KCNIP4: variants seen among roughly 807,000 people sequenced by gnomAD.
KCNIP4 encodes potassium voltage-gated channel interacting protein 4.
A neutral mutation model predicts 34.0 loss-of-function variants in KCNIP4; 12 were observed. That is an observed-to-expected ratio of 0.35 (90% CI 0.23 to 0.57). The LOEUF (loss-of-function observed/expected upper bound fraction) is 0.57. Among genes scored for constraint, KCNIP4 ranks in the 20% least tolerant of loss-of-function variants. KCNIP4 has a pLI of 0.83. For missense variants in KCNIP4, 238 were observed against 311.7 expected (o/e 0.76, Z 1.78); for synonymous variants, 124 against 102.2 (o/e 1.21, Z -1.29).
chr4:20,785,367 C>G (rs1184911205), intron 3 of KCNIP4, among the ~76,000 whole-genome samples: 2 of 141,842 alleles, frequency 1.4e-5, no homozygotes, highest in Non-Finnish European at 3.0e-5. Flanking sequence ...TCTTTGACTA[C>G]TGCTGCCAAC....
chr4:20,885,005 G>A (rs1416556845), intron 1 of KCNIP4, among the ~76,000 whole-genome samples: 3 of 152,116 alleles, frequency 2.0e-5, no homozygotes, highest in East Asian at 1.9e-4. Flanking sequence ...CCAGCCCCAT[G>A]AGGCTTTTAA....
intron 1 of KCNIP4, among the ~76,000 whole-genome samples, chr4:21,006,112 G>A (rs112542819): frequency 9.2e-5 from 14 of 152,296 alleles, no homozygotes; most frequent in African/African-American, 2.6e-4. Flanking sequence ...TTGAACTCAC[G>A]TCTATCTAAC....
intron 1 of KCNIP4, among the ~76,000 whole-genome samples, chr4:21,679,581 G>A (rs1009595226): frequency 1.3e-5 from 2 of 152,224 alleles, no homozygotes; most frequent in South Asian, 2.1e-4. Context: ...AACACTCTGT[G>A]CTCTTTCTCT....
chr4:21,835,394 A>G (rs542969811), intron 1 of KCNIP4, among the ~76,000 whole-genome samples: 1 of 152,276 alleles, frequency 6.6e-6, no homozygotes, highest in African/African-American at 2.4e-5. Context: ...CAATTTGGTA[A>G]ATGCAATTTA....
In KCNIP4 at chr4:21,281,066, CA is replaced by C. The variant is rs1327555055; in HGVS notation, c.62-398358del. 2.0e-5 allele frequency among the ~76,000 whole-genome samples: 3 copies of C among 146,848 alleles called. No homozygotes were observed. The East Asian group carries it at 5.9e-4, about 29-fold the overall frequency. ...AATAGTTTAAATGATCTATTTTTAA[CA>C]AAAAAAGTTACATTTTCTTCTTTTT... On this transcript the variant is annotated intron_variant, in intron 1 of 8. Coordinates refer to ENST00000382152, the MANE Select transcript of KCNIP4 (RefSeq NM_025221.6).
In KCNIP4 at chr4:20,770,974, A is replaced by AATATG. The variant is rs200845618; in HGVS notation, c.289-12085_289-12084insCATAT. On this transcript the variant is annotated intron_variant, in intron 3 of 8. Transcript: ENST00000382152. ...TAAACAAACAATATGAATGAAAAACAATATAACAACTATTTACACAGCATT... is the reference window on the plus strand; with the variant it reads ...TAAACAAACAATATGAATGAAAAACAATATGATATAACAACTATTTACACAGCATT... Among the ~76,000 whole-genome samples the AATATG allele has an allele frequency of 5.0e-3, 759 of 152,256 alleles. 6 individuals are homozygous for AATATG. Among genetic ancestry groups the AATATG allele is most frequent in the South Asian group, 0.04 (191 of 4,818 alleles).
At chr4:21,897,523 T>C (rs1727464652) in intron 1 of KCNIP4, among the ~76,000 whole-genome samples, 1 of 152,140 alleles carries the variant, frequency 6.6e-6, no homozygotes, top group Non-Finnish European at 1.5e-5. Flanking sequence ...CCTTTATACC[T>C]AAGTGCTAGG....
chr4:21,149,241 A>G (rs1752595239), intron 1 of KCNIP4, among the ~76,000 whole-genome samples: 1 of 152,178 alleles, frequency 6.6e-6, no homozygotes, highest in Non-Finnish European at 1.5e-5. Flanking sequence ...TCCTTCATGC[A>G]TTTATGCATT....
intron 3 of KCNIP4, among the ~76,000 whole-genome samples, chr4:20,785,519 C>T (rs1711862366): frequency 6.6e-6 from 1 of 151,980 alleles, no homozygotes; most frequent in African/African-American, 2.4e-5. Context: ...ATCCACCTAG[C>T]AATGAACTCA....
intron 1 of KCNIP4, among the ~76,000 whole-genome samples, chr4:21,284,864 C>A (rs544050851): frequency 2.4e-4 from 36 of 152,180 alleles, no homozygotes; most frequent in African/African-American, 8.7e-4. Flanking sequence ...GGGATGAACA[C>A]ACCCACCGGG....
chr4:21,618,630 CTTTTTTTTTT>C (rs58967707), intron 1 of KCNIP4, among the ~76,000 whole-genome samples: 3 of 81,788 alleles, frequency 3.7e-5, no homozygotes, highest in Non-Finnish European at 6.7e-5. Flanking sequence ...TTTTCTTTTT[CTTTTTTTTTT>C]TTTTTTTTTT....
chr4:21,895,807 C>T (rs567784407), intron 1 of KCNIP4, among the ~76,000 whole-genome samples: 1 of 152,218 alleles, frequency 6.6e-6, no homozygotes, highest in Admixed American at 6.5e-5. Context: ...AAGAACCTTC[C>T]CCTGTACTCT....
At chr4:21,825,274 A>T (rs1722605249) in intron 1 of KCNIP4, among the ~76,000 whole-genome samples, 1 of 152,002 alleles carries the variant, frequency 6.6e-6, no homozygotes, top group African/African-American at 2.4e-5. Flanking sequence ...AGAAATAAAC[A>T]TGAAAAAAAA....
chr4:21,778,580 C>T (rs182407627), intron 1 of KCNIP4, among the ~76,000 whole-genome samples: 137 of 152,094 alleles, frequency 9.0e-4, no homozygotes, highest in Non-Finnish European at 1.6e-4. Flanking sequence ...AAGAAAATTT[C>T]TCTTGTATTT....
intron 1 of KCNIP4, among the ~76,000 whole-genome samples, chr4:20,998,647 A>G (rs1179078417): frequency 6.6e-6 from 1 of 152,254 alleles, no homozygotes; most frequent in Non-Finnish European, 1.5e-5. Flanking sequence ...TTTAATTCAC[A>G]TCTCATTCCT....
At chr4:21,875,125 G>A (rs942350156) in intron 1 of KCNIP4, among the ~76,000 whole-genome samples, 4 of 152,138 alleles carry the variant, frequency 2.6e-5, no homozygotes, top group Non-Finnish European at 5.9e-5. Context: ...CTTAAGATAA[G>A]GAATCTGAGG....
chr4:21,110,404 G>C (rs182787163), intron 1 of KCNIP4, among the ~76,000 whole-genome samples: 25 of 152,306 alleles, frequency 1.6e-4, no homozygotes, highest in Admixed American at 9.8e-4. Flanking sequence ...TGAGGGTTTT[G>C]CAGAAACTTA....
intron 1 of KCNIP4, among the ~76,000 whole-genome samples, chr4:21,654,068 T>C (rs1468054782): frequency 1.3e-5 from 2 of 152,160 alleles, no homozygotes; most frequent in Non-Finnish European, 2.9e-5. Context: ...CTTGGAAAAA[T>C]GTTACAACAA....
intron 8 of KCNIP4, 192 bp downstream of exon 8, chr4:20,731,814 T>C: frequency 3.0e-6 from 3 of 985,394 alleles, no homozygotes; most frequent in Non-Finnish European, 3.6e-6. Context: ...CCTGACTCAG[T>C]GGGCACTCTA....
Sources: allele counts gnomAD v4.1 joint callset (sites outside exome capture counted in the v4.1 genomes callset), GRCh38; gene constraint gnomAD v4.1.1; transcripts MANE v1.5; gene names NCBI Gene and HGNC (gene_info 2026-07-23, HGNC 2026-07-21).